The following MNAT1 variants were observed in gnomAD, a reference collection of about 807,000 sequenced individuals.
The protein encoded by MNAT1 is MNAT1 component of CDK activating kinase.
In MNAT1, 43 loss-of-function variants were observed where a neutral mutation model predicts 42.0. That is an observed-to-expected ratio of 1.02 (90% CI 0.80 to 1.32). The LOEUF (loss-of-function observed/expected upper bound fraction) is 1.32, where lower values mean the gene tolerates loss of function less well. Ranked by LOEUF, MNAT1 falls within the 40% of genes most tolerant of loss-of-function variation. The pLI is 0.00. For missense variants in MNAT1, 306 were observed against 350.4 expected (o/e 0.87, Z 1.01); for synonymous variants, 118 against 120.0 (o/e 0.98, Z 0.11).
At chr14:60,809,847 G>C (rs538761755) in intron 4 of MNAT1, among the ~76,000 whole-genome samples, 1 of 152,170 alleles carries the variant, frequency 6.6e-6, no homozygotes, top group East Asian at 1.9e-4. Flanking sequence ...TCTGGTTTTA[G>C]TATCAGGGTA....
At chr14:60,837,039 C>T (rs772361304) in intron 6 of MNAT1, among the ~76,000 whole-genome samples, 9 of 152,208 alleles carry the variant, frequency 5.9e-5, no homozygotes, top group Non-Finnish European at 1.2e-4. Context: ...AAATCACCTA[C>T]TCAAGCCTAA....
chr14:60,926,863 T>A (rs1037963031), intron 7 of MNAT1, among the ~76,000 whole-genome samples: 2 of 152,100 alleles, frequency 1.3e-5, no homozygotes, highest in African/African-American at 2.4e-5. Flanking sequence ...TTGGTTCCCC[T>A]TGTGAACCAA....
chr14:60,900,969 C>T (rs2035060363), intron 7 of MNAT1, among the ~76,000 whole-genome samples: 1 of 130,560 alleles, frequency 7.7e-6, no homozygotes, highest in Admixed American at 9.5e-5. Context: ...GCCTGGGTGA[C>T]CCTGAGCTGG....
chr14:60,832,770 T>C (rs979746160), intron 6 of MNAT1, among the ~76,000 whole-genome samples: 1 of 152,052 alleles, frequency 6.6e-6, no homozygotes. Context: ...CTTTGGGAAG[T>C]ATGGCCTTTT....
At chr14:60,906,928 C>CT (rs1311940476) in intron 7 of MNAT1, among the ~76,000 whole-genome samples, 2 of 152,048 alleles carry the variant, frequency 1.3e-5, no homozygotes, top group Non-Finnish European at 2.9e-5. Flanking sequence ...GTTCAGAGAA[C>CT]TTTGAGTTTT....
Position 60,835,704 on chromosome 14 carries a change from A to T in MNAT1, c.687+16857A>T, listed in dbSNP as rs138918744. Among the ~76,000 whole-genome samples, 240 of 152,054 alleles carry T rather than the reference A, an allele frequency of 1.6e-3. 1 individual carries two copies. Among genetic ancestry groups the T allele is most frequent in the African/African-American group, 5.6e-3 (231 of 41,462 alleles). On this transcript the variant is annotated intron_variant, in intron 6 of 7. Transcript: ENST00000261245. The stretch of plus-strand genomic sequence containing the variant: ...TTCAACCTTGGTGAATCTGATGATT[A>T]TGTGTTTTGGGGTTGCTCTTTTCGA...
intron 7 of MNAT1, among the ~76,000 whole-genome samples, chr14:60,913,740 G>A (rs959531499): frequency 6.6e-6 from 1 of 151,944 alleles, no homozygotes; most frequent in Non-Finnish European, 1.5e-5. Context: ...TGCCCCTACT[G>A]GGGGGTACCT....
At chr14:60,861,648 A>G (rs1317747519) in intron 6 of MNAT1, among the ~76,000 whole-genome samples, 1 of 152,248 alleles carries the variant, frequency 6.6e-6, no homozygotes, top group Admixed American at 6.5e-5. Flanking sequence ...AATTTCGAGC[A>G]AGAAAATATT....
chr14:60,864,027 AT>A (rs2139437914), intron 6 of MNAT1, among the ~76,000 whole-genome samples: 1 of 152,168 alleles, frequency 6.6e-6, no homozygotes, highest in African/African-American at 2.4e-5. Context: ...TGAAGAAAAT[AT>A]TATTTTTGCT....
At chr14:60,879,332 A>T (rs1232233850) in intron 6 of MNAT1, among the ~76,000 whole-genome samples, 1 of 152,212 alleles carries the variant, frequency 6.6e-6, no homozygotes, top group Non-Finnish European at 1.5e-5. Context: ...ACATGTTATA[A>T]CAAGTTAATA....
At chr14:60,926,575 G>A (rs2035770529) in intron 7 of MNAT1, among the ~76,000 whole-genome samples, 1 of 152,206 alleles carries the variant, frequency 6.6e-6, no homozygotes, top group African/African-American at 2.4e-5. Flanking sequence ...GGATATTACA[G>A]AGGATATACG....
intron 6 of MNAT1, among the ~76,000 whole-genome samples, chr14:60,879,097 A>G (rs1393232856): frequency 6.6e-6 from 1 of 152,122 alleles, no homozygotes; most frequent in East Asian, 1.9e-4. Context: ...TTCATCTTCA[A>G]CATTTTCTTG....
intron 6 of MNAT1, among the ~76,000 whole-genome samples, chr14:60,844,504 A>C (rs1306755733): frequency 6.6e-6 from 1 of 151,764 alleles, no homozygotes; most frequent in Admixed American, 6.6e-5. Flanking sequence ...TTCAAATCTC[A>C]TTTTCTATTG....
intron 7 of MNAT1, among the ~76,000 whole-genome samples, chr14:60,941,934 G>C (rs1166760833): frequency 6.9e-5 from 10 of 145,590 alleles, no homozygotes; most frequent in African/African-American, 2.0e-4. Flanking sequence ...AAACCTGGAG[G>C]CGGAACTTGC....
Position 60,890,240 on chromosome 14 carries a change from G to A in MNAT1, c.809+10405G>A, listed in dbSNP as rs143543482. Among the ~76,000 whole-genome samples the A allele has an allele frequency of 2.8e-4, 42 of 152,310 alleles. No individual in the cohort carries two copies. In the East Asian group the frequency reaches 7.9e-3, roughly 29 times the overall value. Reference sequence around the variant, plus strand: ...TGATAGAGCGGATTAAGAAAATGTGGCACATATACACCATGATTTGCATTT... The same window carrying A: ...TGATAGAGCGGATTAAGAAAATGTGACACATATACACCATGATTTGCATTT... On this transcript the variant is annotated intron_variant, in intron 7 of 7. Coordinates refer to ENST00000261245, the MANE Select transcript of MNAT1 (RefSeq NM_002431.4).
At chr14:60,920,914 A>G (rs541128524) in intron 7 of MNAT1, among the ~76,000 whole-genome samples, 4 of 152,188 alleles carry the variant, frequency 2.6e-5, no homozygotes, top group African/African-American at 4.8e-5. Flanking sequence ...GACTCTTTCA[A>G]CCTTTCAAAT....
intron 6 of MNAT1, among the ~76,000 whole-genome samples, chr14:60,842,562 C>T (rs1407411413): frequency 1.3e-5 from 2 of 152,174 alleles, no homozygotes; most frequent in Admixed American, 6.5e-5. Context: ...TTTCTAGTTG[C>T]TTAAGTGGGG....
At chr14:60,967,309 A>G (rs921028396) in intron 7 of MNAT1, among the ~76,000 whole-genome samples, 2 of 152,206 alleles carry the variant, frequency 1.3e-5, no homozygotes, top group African/African-American at 4.8e-5. Flanking sequence ...AAAAGGTTCC[A>G]AGTTATTAAA....
At chr14:60,893,581 A>G (rs1031956474) in intron 7 of MNAT1, among the ~76,000 whole-genome samples, 1 of 152,182 alleles carries the variant, frequency 6.6e-6, no homozygotes, top group Admixed American at 6.6e-5. Flanking sequence ...ATTAGTGTCA[A>G]GAGCTGAGTA....
Sources: allele counts gnomAD v4.1 joint callset (sites outside exome capture counted in the v4.1 genomes callset), GRCh38; gene constraint gnomAD v4.1.1; transcripts MANE v1.5; gene names NCBI Gene and HGNC (gene_info 2026-07-23, HGNC 2026-07-21).